Variants in SPICE1 observed in about 807,000 individuals in gnomAD.
SPICE1 encodes spindle and centriole-associated protein 1.
SPICE1 carries 75 observed loss-of-function variants against 102.7 expected under a neutral mutation model. The observed-to-expected ratio is 0.73, with a 90% CI of 0.61 to 0.88. The LOEUF (loss-of-function observed/expected upper bound fraction) is 0.88, where lower values mean the gene tolerates loss of function less well. Ranked by LOEUF, SPICE1 falls within the 40% of genes least tolerant of loss-of-function variation. The pLI is 0.00. For synonymous variants in SPICE1, 308 were observed against 350.3 expected (o/e 0.88, Z 1.35); for missense variants, 979 against 1,020.1 (o/e 0.96, Z 0.55).
At chr3:113,504,571 C>CA (rs71633321) in intron 2 of SPICE1, among the ~76,000 whole-genome samples, 2,910 of 66,192 alleles carry the variant, frequency 0.044, 70 homozygotes, top group Non-Finnish European at 0.06. Flanking sequence ...GACCTTGTCT[C>CA]AAAAAAAAAA....
At chr3:113,446,766 G>A in intron 16 of SPICE1, 90 bp from the exon 17 acceptor site, 3 of 1,039,096 alleles carry the variant, frequency 2.9e-6, no homozygotes, top group South Asian at 2.7e-5. Context: ...TCTCAATACT[G>A]GCAAGAGCTT....
At chr3:113,490,263 T>C (rs1936737137) in intron 6 of SPICE1, among the ~76,000 whole-genome samples, 1 of 152,222 alleles carries the variant, frequency 6.6e-6, no homozygotes, top group Admixed American at 6.5e-5. Context: ...TAATTACAAA[T>C]GAAATGCTAT....
At position 113,443,147 on chromosome 3, in the gene SPICE1, G is replaced by A. The variant is rs1028178237; in HGVS notation, c.*2160C>T. The stretch of plus-strand genomic sequence containing the variant: ...GGCAGTGATCATTACTGAGTGTTGT[G>A]AGCCAAGCTCTGATCTCAGCCCATT... On this transcript the variant is annotated 3_prime_UTR_variant, in exon 18 of 18. Coordinates refer to ENST00000295872, the MANE Select transcript of SPICE1 (RefSeq NM_144718.4). 2.0e-5 allele frequency: 3 copies of A among 152,102 alleles called. No homozygotes were observed. Among genetic ancestry groups the A allele is most frequent in the African/African-American group, 7.2e-5 (3 of 41,422 alleles). 9.4% of individuals were successfully genotyped at this position (152,102 alleles called of 1,614,324 possible).
intron 11 of SPICE1, among the ~76,000 whole-genome samples, chr3:113,461,567 G>T (rs1226653553): frequency 6.6e-6 from 1 of 152,068 alleles, no homozygotes; most frequent in Admixed American, 6.5e-5. Flanking sequence ...CATCAGGTTT[G>T]ATCACTACCA....
intron 12 of SPICE1, chr3:113,459,887 GA>G (rs368859965): frequency 0.09 from 67,154 of 743,324 alleles, 12 homozygotes; most frequent in Non-Finnish European, 0.095. Flanking sequence ...ATCTCAAAAA[GA>G]AAAAAAAAAA....
chr3:113,481,199 T>C (rs541962243), intron 7 of SPICE1, among the ~76,000 whole-genome samples: 2 of 152,242 alleles, frequency 1.3e-5, no homozygotes, highest in South Asian at 4.1e-4. Flanking sequence ...TTCAATAAAG[T>C]AGCAGAATAT....
At position 113,504,571 on chromosome 3, in the gene SPICE1, C is replaced by CAAAAAAAAAA. The variant is rs71633321; in HGVS notation, c.100-1354_100-1345dup. On this transcript the variant is annotated intron_variant, in intron 2 of 17. Coordinates refer to ENST00000295872, the MANE Select transcript of SPICE1 (RefSeq NM_144718.4). Reference sequence around the variant, plus strand: ...TGGGCAACATAGCAAGACCTTGTCTCAAAAAAAAAAAAAAAAAAAAAAAGG... The same window carrying CAAAAAAAAAA: ...TGGGCAACATAGCAAGACCTTGTCTCAAAAAAAAAAAAAAAAAAAAAAAAAAAAAAAAAGG... Among the ~76,000 whole-genome samples, 555 of 67,784 alleles carry CAAAAAAAAAA rather than the reference C, an allele frequency of 8.2e-3. 9 individuals are homozygous for CAAAAAAAAAA. The highest frequency in any genetic ancestry group is 0.029 in the African/African-American group (533 of 18,526). The allele number at this position is 67,784 out of a possible 152,430, so 44.5% of individuals were successfully genotyped here. A position where few individuals can be genotyped will look rare whatever the true frequency, so the allele number is the denominator to read the frequency against.
intron 4 of SPICE1, among the ~76,000 whole-genome samples, chr3:113,497,980 A>T (rs980799620): frequency 1.3e-5 from 2 of 151,202 alleles, no homozygotes; most frequent in African/African-American, 2.4e-5. Flanking sequence ...AGGTTCAAGC[A>T]ATTCTCCCAC....
At chr3:113,462,105 T>C (rs1935945884) in intron 11 of SPICE1, among the ~76,000 whole-genome samples, 1 of 152,170 alleles carries the variant, frequency 6.6e-6, no homozygotes, top group Admixed American at 6.6e-5. Flanking sequence ...TCCAATAAAT[T>C]AGCAGACTGC....
At position 113,453,664 on chromosome 3, in the gene SPICE1, T is replaced by C. The variant is rs763275178; in HGVS notation, c.1944A>G (p.Pro648=). 1.9e-6 allele frequency: 3 copies of C among 1,614,054 alleles called. No individual in the cohort carries two copies. Among genetic ancestry groups the C allele is most frequent in the South Asian group, 1.1e-5 (1 of 91,084 alleles). Residue 648 remains proline, a synonymous_variant, in exon 14 of 18, where the codon CCA becomes CCG. Transcript: ENST00000295872. ...SRSPTFSEEL[P]VLGDGQQLRT... ...TCAGCTGCTGCCCATCTCCCAGTAC[T>C]GGGAGCTCTTCTGAGAATGTGGGGC... is the stretch of plus-strand genomic sequence containing the variant.
chr3:113,511,746 C>T (rs1427874497), intron 1 of SPICE1, among the ~76,000 whole-genome samples: 1 of 152,008 alleles, frequency 6.6e-6, no homozygotes, highest in Non-Finnish European at 1.5e-5. Context: ...CCTGCACATA[C>T]CGCACGTGTA....
At chr3:113,460,245 A>G in intron 12 of SPICE1, 1 of 983,706 alleles carries the variant, frequency 1.0e-6, no homozygotes, top group Non-Finnish European at 1.2e-6. Context: ...CACTGGGATT[A>G]AAAGTGCTAG....
intron 4 of SPICE1, among the ~76,000 whole-genome samples, chr3:113,496,527 A>C (rs939872752): frequency 2.0e-5 from 3 of 152,202 alleles, no homozygotes; most frequent in Admixed American, 6.5e-5. Flanking sequence ...GAGTTATTAC[A>C]TTTTGGGGAT....
chr3:113,458,752 C>T (rs1303390142), intron 12 of SPICE1, among the ~76,000 whole-genome samples: 4 of 151,806 alleles, frequency 2.6e-5, no homozygotes, highest in East Asian at 1.9e-4. Context: ...GCCATCATCC[C>T]GTCTAGGAAG....
intron 7 of SPICE1, among the ~76,000 whole-genome samples, chr3:113,473,936 A>G (rs888972503): frequency 6.6e-6 from 1 of 152,152 alleles, no homozygotes; most frequent in African/African-American, 2.4e-5. Context: ...ACACTTAACA[A>G]TATTAACTTT....
In SPICE1 at chr3:113,446,659, C is replaced by T. The variant is rs370934331; in HGVS notation, c.2444G>A (p.Gly815Asp). 1.9e-6 allele frequency: 3 copies of T among 1,613,090 alleles called. No homozygotes were observed. The highest frequency in any genetic ancestry group is 3.3e-5 in the Admixed American group (2 of 59,972). Residue 815 changes from glycine (G) to aspartate (D), a missense_variant, in exon 17 of 18, where the codon GGT (glycine) becomes GAT (aspartate). Coordinates refer to ENST00000295872, the MANE Select transcript of SPICE1 (RefSeq NM_144718.4). ...INTRRSSGAT[G>D]NSCSPLNATS... ...GGCATTTAGTGGAGAACAAGAATTACCAGTAGCCCCGGAAGATCTATTCAT... is the reference window on the plus strand; with the variant it reads ...GGCATTTAGTGGAGAACAAGAATTATCAGTAGCCCCGGAAGATCTATTCAT...
In SPICE1 at chr3:113,450,411, C is replaced by A. The variant is rs1166081367; in HGVS notation, c.2248G>T (p.Glu750Ter). The A allele has an allele frequency of 6.2e-7, 1 of 1,614,066 alleles. No individual in the cohort carries two copies. Among genetic ancestry groups the A allele is most frequent in the Admixed American group, 1.7e-5 (1 of 60,008 alleles). Residue 750 changes from glutamate (E) to a stop codon, truncating the protein, a stop_gained, in exon 15 of 18, where the codon GAG becomes TAG. Coordinates refer to ENST00000295872, the MANE Select transcript of SPICE1 (RefSeq NM_144718.4). LOFTEE classifies it high-confidence loss of function. ...TTCAAACCAACAAGTTTCTGCTGCT[C>A]TATCAACTGCAGTAGTTTTCCACGA... ...EARGKLLQLI[E>*]QQKLVGLNLS... is the part of the protein sequence containing the mutation.
intron 11 of SPICE1, among the ~76,000 whole-genome samples, chr3:113,465,316 C>T (rs563985411): frequency 6.6e-6 from 1 of 152,280 alleles, no homozygotes; most frequent in South Asian, 2.1e-4. Flanking sequence ...CTACCTTCTG[C>T]TGTTTTGAAA....
chr3:113,485,172 G>GTTTTTTTTT (rs1346426484), intron 7 of SPICE1, among the ~76,000 whole-genome samples: 2 of 147,246 alleles, frequency 1.4e-5, no homozygotes, highest in African/African-American at 2.6e-5. Context: ...CAGGAGTTTT[G>GTTTTTTTTT]TTTGTTTTTT....
Sources: gnomAD v4.1 joint callset for allele counts (sites outside exome capture counted in the v4.1 genomes callset) on GRCh38, gnomAD v4.1.1 for gene constraint, MANE v1.5 for transcripts, NCBI Gene and HGNC (gene_info 2026-07-23, HGNC 2026-07-21) for gene names.